Variants in ENPP2 observed in about 807,000 individuals in gnomAD.
ENPP2 encodes the protein ectonucleotide pyrophosphatase/phosphodiesterase 2, also known as autotaxin.
In ENPP2, 51 loss-of-function variants were observed where a neutral mutation model predicts 120.2. That is an observed-to-expected ratio of 0.42 (90% CI 0.34 to 0.54). The LOEUF is 0.54. Ranked by LOEUF, ENPP2 falls within the 20% of genes least tolerant of loss-of-function variation. The pLI, the probability that ENPP2 is intolerant of heterozygous loss-of-function variation, is 0.04. For missense variants in ENPP2, 920 were observed against 1,066.5 expected (o/e 0.86, Z 1.91); for synonymous variants, 365 against 366.4 (o/e 1.00, Z 0.04).
At chr8:119,668,429 C>CTT (rs5894492) in intron 1 of ENPP2, among the ~76,000 whole-genome samples, 39 of 110,542 alleles carry the variant, frequency 3.5e-4, no homozygotes, top group South Asian at 6.5e-4. Flanking sequence ...TTTTCTTTTT[C>CTT]TTTTTTTTTT....
At chr8:119,574,196 T>C (rs1175319235) in intron 19 of ENPP2, among the ~76,000 whole-genome samples, 2 of 152,152 alleles carry the variant, frequency 1.3e-5, no homozygotes, top group Admixed American at 6.5e-5. Context: ...CTGACTCTCC[T>C]AGTCTTTATG....
chr8:119,597,692 TAGA>T (rs997130995), intron 11 of ENPP2, among the ~76,000 whole-genome samples: 2 of 152,062 alleles, frequency 1.3e-5, no homozygotes, highest in Non-Finnish European at 2.9e-5. Flanking sequence ...AGAAAAAGCA[TAGA>T]AGGTCAAAAA....
At chr8:119,621,622 A>G in intron 3 of ENPP2, 103 bp from the exon 4 acceptor site, 1 of 1,231,268 alleles carries the variant, frequency 8.1e-7, no homozygotes, top group Non-Finnish European at 1.2e-6. Flanking sequence ...AAAATCTCAC[A>G]TCATTTACTC....
intron 9 of ENPP2, among the ~76,000 whole-genome samples, chr8:119,601,738 C>T (rs977675170): frequency 3.3e-5 from 5 of 152,040 alleles, no homozygotes; most frequent in African/African-American, 1.2e-4. Flanking sequence ...TCAGAAACTC[C>T]ACTACAAGCA....
chr8:119,654,103 A>C (rs1191682959), intron 1 of ENPP2, among the ~76,000 whole-genome samples: 1 of 144,378 alleles, frequency 6.9e-6, no homozygotes, highest in African/African-American at 2.5e-5. Flanking sequence ...ATATCTATAT[A>C]ACATGTACAG....
upstream of ENPP2, among the ~76,000 whole-genome samples, chr8:119,643,676 G>C (rs528130236): frequency 2.6e-5 from 4 of 152,308 alleles, no homozygotes; most frequent in African/African-American, 9.6e-5. Flanking sequence ...GTACTACATA[G>C]GGAGCTGACC....
At chr8:119,597,524 A>G (rs1196175132) in intron 11 of ENPP2, among the ~76,000 whole-genome samples, 1 of 152,204 alleles carries the variant, frequency 6.6e-6, no homozygotes, top group Non-Finnish European at 1.5e-5. Flanking sequence ...GCCATACTTT[A>G]GCCTGAATTT....
At chr8:119,610,052 G>C (rs529056979) in intron 8 of ENPP2, among the ~76,000 whole-genome samples, 1 of 152,292 alleles carries the variant, frequency 6.6e-6, no homozygotes, top group African/African-American at 2.4e-5. Flanking sequence ...GGAGCACACA[G>C]AGTGAAAATG....
At chr8:119,618,642 C>G (rs1028442254) in intron 5 of ENPP2, among the ~76,000 whole-genome samples, 2 of 151,496 alleles carry the variant, frequency 1.3e-5, no homozygotes, top group South Asian at 4.2e-4. Context: ...TGGGTTCAAG[C>G]GATTCTCATG....
Position 119,662,443 on chromosome 8 carries a change from T to A in ENPP2, c.21+10809A>T, listed in dbSNP as rs543256773. ...AGTCAAAATAGCACTACCTGGGAACTAGTTCGAAACGCAAATCCTCTGCCC... is the reference window on the plus strand; with the variant it reads ...AGTCAAAATAGCACTACCTGGGAACAAGTTCGAAACGCAAATCCTCTGCCC... On this transcript the variant is annotated intron_variant, in intron 1 of 25. Transcript: ENST00000427067. Among the ~76,000 whole-genome samples the A allele has an allele frequency of 6.6e-5, 10 of 152,272 alleles. No homozygotes were observed. In the South Asian group the frequency reaches 2.1e-3, roughly 32 times the overall value.
chr8:119,660,568 T>G (rs1817891768), intron 1 of ENPP2, among the ~76,000 whole-genome samples: 1 of 152,334 alleles, frequency 6.6e-6, no homozygotes, highest in South Asian at 2.1e-4. Flanking sequence ...TTGGGTCAGC[T>G]TCTGAGCAGA....
In ENPP2 at chr8:119,588,946, A is replaced by G. The variant is rs151189893; in HGVS notation, c.1207+1559T>C. ...TCTGGCTTCAAATCTCAGATCTGAAACTTACTAACCATCATCCTCGAAGCT... is the reference window on the plus strand; with the variant it reads ...TCTGGCTTCAAATCTCAGATCTGAAGCTTACTAACCATCATCCTCGAAGCT... On this transcript the variant is annotated intron_variant, in intron 13 of 24. Coordinates refer to ENST00000075322, the MANE Select transcript of ENPP2 (RefSeq NM_001040092.3). 3.9e-3 allele frequency among the ~76,000 whole-genome samples: 589 copies of G among 152,256 alleles called. 4 individuals carry two copies. Among genetic ancestry groups the G allele is most frequent in the African/African-American group, 0.013 (552 of 41,546 alleles).
chr8:119,667,781 T>A (rs1279876055), intron 1 of ENPP2, among the ~76,000 whole-genome samples: 13 of 152,224 alleles, frequency 8.5e-5, no homozygotes, highest in Non-Finnish European at 1.9e-4. Context: ...AAACCGATTA[T>A]GACACTGCCC....
At chr8:119,573,281 C>T (rs1216341361) in intron 19 of ENPP2, 1 of 151,916 alleles carries the variant, frequency 6.6e-6, no homozygotes, top group East Asian at 1.9e-4. Flanking sequence ...GTGGTGCGCA[C>T]CTGTAATCCC....
rs570331954 is a variant in ENPP2, at chr8:119,583,964, G to T, written c.1453C>A (p.Gln485Lys). 4 of 1,610,046 alleles carry T rather than the reference G, an allele frequency of 2.5e-6. No individual in the cohort carries two copies. Among genetic ancestry groups the T allele is most frequent in the Non-Finnish European group, 3.4e-6 (4 of 1,176,518 alleles). The change falls in exon 16 of 25, where the codon CAG (glutamine) becomes AAG (lysine). Residue 485 changes from glutamine (Q) to lysine (K), a missense_variant and splice_region_variant. Gln to Lys is a moderately conservative substitution (Grantham distance 53, BLOSUM62 1). Transcript: ENST00000075322. ...AATTCACAGTTCTGCCATCATACCTGCATGCTGTTGACCTTGTTATCAAAT... is the reference window on the plus strand; with the variant it reads ...AATTCACAGTTCTGCCATCATACCTTCATGCTGTTGACCTTGTTATCAAAT... Reference protein sequence around the residue: ...HGFDNKVNSMQTVFVGYGSTF... With the variant: ...HGFDNKVNSMKTVFVGYGSTF...
intron 1 of ENPP2, among the ~76,000 whole-genome samples, chr8:119,666,236 T>C (rs2130907622): frequency 6.6e-6 from 1 of 152,306 alleles, no homozygotes; most frequent in South Asian, 2.1e-4. Context: ...TTTTTTGATT[T>C]TTTTTCCACA....
At chr8:119,561,507 C>A (rs1251773262) in intron 24 of ENPP2, among the ~76,000 whole-genome samples, 1 of 152,168 alleles carries the variant, frequency 6.6e-6, no homozygotes, top group Non-Finnish European at 1.5e-5. Flanking sequence ...TAAAATCAAC[C>A]TTTGAGCACA....
intron 1 of ENPP2, among the ~76,000 whole-genome samples, chr8:119,644,741 G>A (rs1160547630): frequency 6.7e-6 from 1 of 149,552 alleles, no homozygotes; most frequent in East Asian, 2.0e-4. Flanking sequence ...GTTTTAAAAA[G>A]CATTCCCCCT....
chr8:119,649,930 C>G (rs1400306451), intron 1 of ENPP2, among the ~76,000 whole-genome samples: 1 of 152,114 alleles, frequency 6.6e-6, no homozygotes, highest in Non-Finnish European at 1.5e-5. Context: ...GAAACATGAA[C>G]TGTAAAATGA....
Sources: gnomAD v4.1 joint callset for allele counts (sites outside exome capture counted in the v4.1 genomes callset) on GRCh38, gnomAD v4.1.1 for gene constraint, MANE v1.5 for transcripts, NCBI Gene and HGNC (gene_info 2026-07-23, HGNC 2026-07-21) for gene names.